The following PDE1C variants were observed in gnomAD, a reference collection of about 807,000 sequenced individuals.
PDE1C encodes the protein dual specificity calcium/calmodulin-dependent 3',5'-cyclic nucleotide phosphodiesterase 1C.
In PDE1C, 62 loss-of-function variants were observed where a neutral mutation model predicts 93.1. The ratio of observed to expected loss-of-function variants is 0.67; its 90% confidence interval spans 0.54 to 0.82. The LOEUF is 0.82. Ranked by LOEUF, PDE1C falls within the 40% of genes least tolerant of loss-of-function variation. PDE1C has a pLI of 0.00. For synonymous variants in PDE1C, 325 were observed against 310.1 expected, an observed-to-expected ratio of 1.05 and a Z score of -0.50; for missense variants, 742 against 884.6, an observed-to-expected ratio of 0.84 and a Z score of 2.04.
chr7:32,203,266 C>G (rs1310900291), intron 2 of PDE1C, among the ~76,000 whole-genome samples: 1 of 152,002 alleles, frequency 6.6e-6, no homozygotes, highest in African/African-American at 2.4e-5. Flanking sequence ...GTTCAAGCTC[C>G]CTTCTTTTGT....
chr7:31,995,820 A>G (rs1584374859), intron 2 of PDE1C, among the ~76,000 whole-genome samples: 1 of 152,146 alleles, frequency 6.6e-6, no homozygotes, highest in Non-Finnish European at 1.5e-5. Context: ...CTGAACTTTT[A>G]TCACCATTCA....
At chr7:32,027,607 TAAAAAAAAAAAAAAAAAAA>T (rs551660766) in intron 2 of PDE1C, among the ~76,000 whole-genome samples, 3,885 of 78,554 alleles carry the variant, frequency 0.049, 55 homozygotes, top group Middle Eastern at 0.1. Flanking sequence ...TCAAAAATGG[TAAAAAAAAAAAAAAAAAAA>T]AAAAAAAAAA....
At chr7:31,858,454 G>A (rs1794285477) in intron 7 of PDE1C, among the ~76,000 whole-genome samples, 1 of 152,004 alleles carries the variant, frequency 6.6e-6, no homozygotes, top group African/African-American at 2.4e-5. Context: ...TTACTGTTAC[G>A]GGAAGTGAAA....
At chr7:32,362,398 CAT>C (rs938332913) in intron 1 of PDE1C, among the ~76,000 whole-genome samples, 1 of 152,150 alleles carries the variant, frequency 6.6e-6, no homozygotes, top group Non-Finnish European at 1.5e-5. Flanking sequence ...GAGTAGGTCA[CAT>C]CTCAGCCCTG....
chr7:32,116,074 C>T (rs1798970996), intron 3 of PDE1C, among the ~76,000 whole-genome samples: 2 of 152,190 alleles, frequency 1.3e-5, no homozygotes, highest in African/African-American at 4.8e-5. Context: ...TTTTCTTAGA[C>T]CAAGCCCTTA....
chr7:32,052,471 A>G (rs1793524286), intron 1 of PDE1C, among the ~76,000 whole-genome samples: 2 of 152,198 alleles, frequency 1.3e-5, no homozygotes, highest in African/African-American at 4.8e-5. Context: ...AGACCCTTAA[A>G]AGAGTTTCAA....
chr7:31,906,504 G>C (rs1265857979), intron 2 of PDE1C, among the ~76,000 whole-genome samples: 1 of 152,152 alleles, frequency 6.6e-6, no homozygotes, highest in South Asian at 2.1e-4. Flanking sequence ...GATACAGGAT[G>C]ATATTCAGAT....
the PDE1C span, among the ~76,000 whole-genome samples, chr7:31,662,563 ATGTGTCTGTGTTGTATAAGTGTC>A: frequency 1.3e-5 from 2 of 150,672 alleles, no homozygotes; most frequent in Admixed American, 6.6e-5. Context: ...GTATAAGTGT[ATGTGTCTGTGTTGTATAAGTGTC>A]TGTGTCTGTG....
the PDE1C span, among the ~76,000 whole-genome samples, chr7:31,657,382 T>C: frequency 6.6e-6 from 1 of 152,220 alleles, no homozygotes; most frequent in Non-Finnish European, 1.5e-5. Flanking sequence ...CATTGAACAT[T>C]AGCAGAAATT....
At chr7:31,791,559 G>A (rs1206258290) in intron 16 of PDE1C, among the ~76,000 whole-genome samples, 4 of 152,056 alleles carry the variant, frequency 2.6e-5, no homozygotes, top group African/African-American at 9.7e-5. Flanking sequence ...ACGTCATGAG[G>A]CTTCTTTTAG....
At chr7:32,267,594 T>TCTCTCTCTCTCTCTCTCACACACACACA (rs1810691409) in intron 1 of PDE1C, among the ~76,000 whole-genome samples, 3 of 39,686 alleles carry the variant, frequency 7.6e-5, no homozygotes, top group Non-Finnish European at 1.7e-4. Flanking sequence ...ACACTCTCTC[T>TCTCTCTCTCTCTCTCTCACACACACACA]CTCTCTCTCT....
the PDE1C span, chr7:31,651,268 A>C: frequency 6.2e-7 from 1 of 1,612,862 alleles, no homozygotes; most frequent in Non-Finnish European, 8.5e-7. Flanking sequence ...AGAGGAGGAA[A>C]GGTAATTACC....
chr7:32,035,130 C>T (rs1790874185), intron 2 of PDE1C, among the ~76,000 whole-genome samples: 1 of 152,054 alleles, frequency 6.6e-6, no homozygotes, highest in Non-Finnish European at 1.5e-5. Context: ...ACCCAAAGGA[C>T]ATCAGCCTAA....
the PDE1C span, among the ~76,000 whole-genome samples, chr7:31,734,082 C>G: frequency 6.6e-6 from 1 of 152,062 alleles, no homozygotes; most frequent in African/African-American, 2.4e-5. Context: ...CCTCCCCCAC[C>G]ACCAAAACTT....
chr7:32,135,371 C>T (rs1447350130), intron 3 of PDE1C, among the ~76,000 whole-genome samples: 1 of 152,066 alleles, frequency 6.6e-6, no homozygotes, highest in Non-Finnish European at 1.5e-5. Flanking sequence ...AACCATATAT[C>T]TGATAAGGGG....
At chr7:31,888,249 C>CA (rs34112969) in intron 2 of PDE1C, among the ~76,000 whole-genome samples, 12,171 of 44,474 alleles carry the variant, frequency 0.27, 2,159 homozygotes, top group Non-Finnish European at 0.34. Context: ...GACTCAGTCT[C>CA]AAAAAAAAAA....
Position 31,811,319 on chromosome 7 carries a change from T to C in PDE1C, c.1814-2211A>G, listed in dbSNP as rs778234617. Among the ~76,000 whole-genome samples, 44 of 152,204 alleles carry C rather than the reference T, an allele frequency of 2.9e-4. 1 individual carries two copies. The highest frequency in any genetic ancestry group is 2.4e-3 in the Admixed American group (37 of 15,268). On this transcript the variant is annotated intron_variant, in intron 15 of 17. Transcript: ENST00000396191. Reference sequence around the variant, plus strand: ...TGTGAGTCCATTAAGCTTCTTTTCCTTTATAAATGACCCAGTCTTGGGTAT... The same window carrying C: ...TGTGAGTCCATTAAGCTTCTTTTCCCTTATAAATGACCCAGTCTTGGGTAT...
chr7:31,968,279 A>C (rs1467251493), intron 2 of PDE1C, among the ~76,000 whole-genome samples: 1 of 152,200 alleles, frequency 6.6e-6, no homozygotes, highest in Non-Finnish European at 1.5e-5. Flanking sequence ...TACAAAATCA[A>C]TGTGCAAAAA....
intron 2 of PDE1C, among the ~76,000 whole-genome samples, chr7:31,974,320 A>G (rs1194691608): frequency 6.6e-6 from 1 of 152,220 alleles, no homozygotes; most frequent in Admixed American, 6.5e-5. Context: ...AATTAGCTAC[A>G]TGATACAGGC....
Sources: gnomAD v4.1 joint callset for allele counts (sites outside exome capture counted in the v4.1 genomes callset) on GRCh38, gnomAD v4.1.1 for gene constraint, MANE v1.5 for transcripts, NCBI Gene and HGNC (gene_info 2026-07-23, HGNC 2026-07-21) for gene names.